Variants in MPPED1 observed in about 807,000 individuals in gnomAD.
The protein encoded by MPPED1 is metallophosphoesterase domain-containing protein 1.
MPPED1 carries 16 observed loss-of-function variants against 36.2 expected under a neutral mutation model. The ratio of observed to expected loss-of-function variants is 0.44; its 90% CI spans 0.30 to 0.67. The LOEUF is 0.67. Among genes scored for constraint, MPPED1 ranks in the 30% least tolerant of loss-of-function variants. MPPED1 has a pLI of 0.10. For synonymous variants in MPPED1, 199 were observed against 191.3 expected (o/e 1.04, Z -0.33); for missense variants, 307 against 453.4 (o/e 0.68, Z 2.93).
intron 4 of MPPED1, among the ~76,000 whole-genome samples, chr22:43,495,685 G>A (rs1166360281): frequency 1.6e-5 from 1 of 60,806 alleles, no homozygotes. Context: ...TGGTGGAGAT[G>A]GTGGTGGTGG....
chr22:43,485,091 C>A (rs771843160), intron 4 of MPPED1, among the ~76,000 whole-genome samples: 1 of 152,020 alleles, frequency 6.6e-6, no homozygotes, highest in Non-Finnish European at 1.5e-5. Flanking sequence ...ATACCATACA[C>A]ACTCACATGC....
At chr22:43,423,762 G>T (rs964050683) in intron 1 of MPPED1, among the ~76,000 whole-genome samples, 2 of 152,168 alleles carry the variant, frequency 1.3e-5, no homozygotes, top group East Asian at 3.8e-4. Flanking sequence ...ATGTGATTGC[G>T]ATATGAGTGT....
chr22:43,431,079 T>C (rs1601951932), intron 2 of MPPED1, among the ~76,000 whole-genome samples: 1 of 120,176 alleles, frequency 8.3e-6, no homozygotes, highest in East Asian at 2.8e-4. Context: ...TCTCACTCTG[T>C]CGCCCAGGCT....
At chr22:43,444,523 T>C (rs554788875) in intron 3 of MPPED1, among the ~76,000 whole-genome samples, 2 of 152,076 alleles carry the variant, frequency 1.3e-5, no homozygotes, top group African/African-American at 4.8e-5. Flanking sequence ...CCAGCCACCA[T>C]GCCTAATTTT....
At chr22:43,468,662 C>T (rs908092153) in intron 3 of MPPED1, among the ~76,000 whole-genome samples, 4 of 152,162 alleles carry the variant, frequency 2.6e-5, no homozygotes, top group Non-Finnish European at 5.9e-5. Flanking sequence ...AGCTACAGGC[C>T]TCTTGGTGGT....
intron 2 of MPPED1, 60 bp downstream of exon 2, chr22:43,425,269 G>A: frequency 1.4e-6 from 2 of 1,480,528 alleles, no homozygotes; most frequent in Non-Finnish European, 1.8e-6. Flanking sequence ...GTGGGTGCAT[G>A]GTCTCGGGTG....
chr22:43,444,930 T>C (rs1930284639), intron 3 of MPPED1, among the ~76,000 whole-genome samples: 1 of 152,150 alleles, frequency 6.6e-6, no homozygotes, highest in Non-Finnish European at 1.5e-5. Flanking sequence ...ATATTGATGA[T>C]AAATTAAAAG....
chr22:43,463,813 T>TTCTTTCTTTTTTTTTG (rs1931046513), intron 3 of MPPED1, among the ~76,000 whole-genome samples: 7 of 44,894 alleles, frequency 1.6e-4, no homozygotes, highest in Non-Finnish European at 9.4e-5. Context: ...TTTCTTTTCT[T>TTCTTTCTTTTTTTTTG]TCTTTCTTTC....
rs776105306 is a variant in MPPED1 at position 43,474,975 on chromosome 22, G to A, written c.632+14G>A. 1 of 1,612,516 alleles carries A rather than the reference G, an allele frequency of 6.2e-7. No individual in the cohort carries two copies. The highest frequency in any genetic ancestry group is 1.7e-5 in the Admixed American group (1 of 60,026). The stretch of plus-strand genomic sequence containing the variant: ...TGGCTCCCCATGGTGAGTGGGCCTG[G>A]GTGCTGGTCCTGCCTGCTGGTGAGA... On this transcript the variant is annotated intron_variant, in intron 4 of 6. Transcript: ENST00000443721. The surrounding 1 kb of genome is among the most constrained non-coding windows in gnomAD (Gnocchi z 5.2).
At chr22:43,439,971 G>A (rs1930092367) in intron 3 of MPPED1, among the ~76,000 whole-genome samples, 2 of 152,256 alleles carry the variant, frequency 1.3e-5, no homozygotes, top group African/African-American at 4.8e-5. Context: ...TCCTGGTCTA[G>A]GCTCTGCTGG....
chr22:43,440,045 T>A (rs1033296931), intron 3 of MPPED1, among the ~76,000 whole-genome samples: 1 of 151,716 alleles, frequency 6.6e-6, no homozygotes, highest in Non-Finnish European at 1.5e-5. Flanking sequence ...AAGGGGAGGG[T>A]CAAGGCTTCA....
rs76235767 is a variant in MPPED1 at position 43,461,889 on chromosome 22, C to T, written c.407-12847C>T. ...ATCTGCCAAATATTAATAATATTGC[C>T]TGTTTTGTGGGACTATTGTGAGGAT... On this transcript the variant is annotated intron_variant, in intron 3 of 6. Transcript: ENST00000443721. Among the ~76,000 whole-genome samples, 3,383 of 152,184 alleles carry T rather than the reference C, an allele frequency of 0.022. 311 individuals are homozygous for T. The East Asian group carries it at 0.29, about 13-fold the overall frequency.
chr22:43,463,331 C>CTTTTTTT (rs3047468), intron 3 of MPPED1, among the ~76,000 whole-genome samples: 1 of 121,060 alleles, frequency 8.3e-6, no homozygotes, highest in Non-Finnish European at 1.7e-5. Flanking sequence ...ATGATTTTTT[C>CTTTTTTT]TTTTTTTTTT....
At chr22:43,440,739 C>G (rs1930121501) in intron 3 of MPPED1, among the ~76,000 whole-genome samples, 1 of 152,136 alleles carries the variant, frequency 6.6e-6, no homozygotes, top group Non-Finnish European at 1.5e-5. Context: ...ACCCCTAGCC[C>G]CCACAGCCTG....
In MPPED1 at chr22:43,507,747, G is replaced by A. The variant is rs185122977; in HGVS notation, c.*2131G>A. The A allele has an allele frequency of 9.9e-5, 15 of 152,072 alleles. No individual in the cohort carries two copies. Among genetic ancestry groups the A allele is most frequent in the African/African-American group, 3.4e-4 (14 of 41,474 alleles). 9.4% of individuals were successfully genotyped at this position (152,072 alleles called of 1,614,324 possible). ...AAAGTCCTCGAGGTATGAAGATGAC[G>A]GCGTGCTTCTCAATCATTTTGGCAT... On this transcript the variant is annotated 3_prime_UTR_variant, in exon 7 of 7. Transcript: ENST00000443721.
chr22:43,500,050 GGGTGGTGGTGGTGATGGTGAT>G (rs1481500877), intron 5 of MPPED1, among the ~76,000 whole-genome samples: 1 of 74,364 alleles, frequency 1.3e-5, no homozygotes, highest in Admixed American at 1.4e-4. Flanking sequence ...GTGGTGATGG[GGGTGGTGGTGGTGATGGTGAT>G]GGAGGTGGTG....
intron 4 of MPPED1, among the ~76,000 whole-genome samples, chr22:43,477,108 G>A (rs1931600869): frequency 6.6e-6 from 1 of 152,178 alleles, no homozygotes; most frequent in African/African-American, 2.4e-5. Flanking sequence ...GTTGGAGGGG[G>A]CATTTGAACT....
chr22:43,449,651 C>T (rs1930493826), intron 3 of MPPED1, among the ~76,000 whole-genome samples: 2 of 152,042 alleles, frequency 1.3e-5, no homozygotes, highest in African/African-American at 4.8e-5. Context: ...AGTTGGGTGC[C>T]GAGGGCCACA....
Position 43,425,189 on chromosome 22 carries a change from C to T in MPPED1, c.204C>T (p.Phe68=), listed in dbSNP as rs1007048391. ...TCTACAACATCAACCAGGGCCGCTT[C>T]CAGCCACCGCATGTGCAGATGTAAG... is the stretch of plus-strand genomic sequence containing the variant. ...FTFYNINQGR[F]QPPHVQMVDP... The change falls in exon 2 of 7, where the codon TTC becomes TTT. Residue 68 remains phenylalanine, a synonymous_variant. Coordinates refer to ENST00000443721, the MANE Select transcript of MPPED1 (RefSeq NM_001044370.2). 5 of 1,606,246 alleles carry T rather than the reference C, an allele frequency of 3.1e-6. No homozygotes were observed. Among genetic ancestry groups the T allele is most frequent in the Middle Eastern group, 1.7e-4 (1 of 6,048 alleles).
Sources: gnomAD v4.1 joint callset for allele counts (sites outside exome capture counted in the v4.1 genomes callset) on GRCh38, gnomAD v4.1.1 for gene constraint, Gnocchi (gnomAD v3.1) non-coding constraint, MANE v1.5 for transcripts, NCBI Gene and HGNC (gene_info 2026-07-23, HGNC 2026-07-21) for gene names.